CRPPA: variants seen among roughly 807,000 people sequenced by gnomAD.
CRPPA encodes the protein CDP-L-ribitol pyrophosphorylase A, also known as D-ribitol-5-phosphate cytidylyltransferase.
A neutral mutation model predicts 52.0 loss-of-function variants in CRPPA; 43 were observed. The observed-to-expected ratio is 0.83, with a 90% confidence interval of 0.65 to 1.07. The LOEUF is 1.07. CRPPA is among the 50% of genes least tolerant of loss of function. The pLI is 0.00. For synonymous variants in CRPPA, 250 were observed against 203.5 expected, an observed-to-expected ratio of 1.23 and a Z score of -1.94; for missense variants, 629 against 551.7, an observed-to-expected ratio of 1.14 and a Z score of -1.40.
In CRPPA at chr7:16,335,840, A is replaced by G. The variant is rs1785666731; in HGVS notation, c.685-27213T>C. On this transcript the variant is annotated intron_variant, in intron 3 of 9. Transcript: ENST00000407010. The stretch of plus-strand genomic sequence containing the variant: ...ACACATCTTAATCAAATTATCAAAA[A>G]CCAAAAGAAACAATATTCAAAGCAG... 3.3e-5 allele frequency among the ~76,000 whole-genome samples: 5 copies of G among 152,216 alleles called. No individual in the cohort carries two copies. In the South Asian group the frequency reaches 1.0e-3, roughly 32 times the overall value.
At chr7:16,250,258 T>G (rs1288566235) in intron 8 of CRPPA, among the ~76,000 whole-genome samples, 1 of 152,206 alleles carries the variant, frequency 6.6e-6, no homozygotes, top group Admixed American at 6.5e-5. Context: ...TTGGTGTACC[T>G]GAAAGTGACG....
intron 5 of CRPPA, among the ~76,000 whole-genome samples, chr7:16,290,275 C>T (rs1343753352): frequency 1.3e-5 from 2 of 151,812 alleles, no homozygotes; most frequent in Non-Finnish European, 2.9e-5. Context: ...CAATGATATC[C>T]TTCACAGAAA....
intron 2 of CRPPA, among the ~76,000 whole-genome samples, chr7:16,390,160 G>A (rs752114555): frequency 9.2e-5 from 14 of 151,546 alleles, no homozygotes; most frequent in East Asian, 5.8e-4. Context: ...TCTCAAATAC[G>A]TCTCTACATT....
chr7:16,196,215 C>G (rs1781730481), intron 9 of CRPPA, among the ~76,000 whole-genome samples: 1 of 152,156 alleles, frequency 6.6e-6, no homozygotes, highest in South Asian at 2.1e-4. Flanking sequence ...AGGTCCTAAT[C>G]TAGTTCAGTC....
intron 9 of CRPPA, among the ~76,000 whole-genome samples, chr7:16,145,491 A>C (rs927259817): frequency 3.3e-5 from 5 of 152,258 alleles, no homozygotes; most frequent in African/African-American, 1.2e-4. Context: ...CAATGATAAC[A>C]AAATGAAAAT....
intron 9 of CRPPA, among the ~76,000 whole-genome samples, chr7:16,107,938 T>G (rs1782189668): frequency 6.6e-6 from 1 of 151,914 alleles, no homozygotes; most frequent in South Asian, 2.1e-4. Flanking sequence ...TAACTGGAAA[T>G]AGACAGTTAT....
chr7:16,126,910 C>G (rs575562887), intron 9 of CRPPA, among the ~76,000 whole-genome samples: 1 of 152,122 alleles, frequency 6.6e-6, no homozygotes, highest in African/African-American at 2.4e-5. Context: ...GATTGATTCC[C>G]AAATTTGTAC....
At chr7:16,169,497 T>C (rs964883104) in intron 9 of CRPPA, among the ~76,000 whole-genome samples, 5 of 152,226 alleles carry the variant, frequency 3.3e-5, no homozygotes, top group Non-Finnish European at 5.9e-5. Context: ...GTGATTGTCC[T>C]GTTTTATCGT....
chr7:16,275,008 G>A (rs1172792347), intron 6 of CRPPA, among the ~76,000 whole-genome samples: 6 of 152,072 alleles, frequency 3.9e-5, no homozygotes, highest in East Asian at 1.9e-4. Flanking sequence ...CCTGGGAGGC[G>A]TAGGTTGTGG....
intron 2 of CRPPA, among the ~76,000 whole-genome samples, chr7:16,384,983 GC>G (rs1279461882): frequency 6.6e-6 from 1 of 152,144 alleles, no homozygotes; most frequent in Non-Finnish European, 1.5e-5. Flanking sequence ...CTAATGTTAA[GC>G]AGTTTAAAAA....
At chr7:16,101,098 T>C (rs1240264362) in intron 9 of CRPPA, among the ~76,000 whole-genome samples, 2 of 152,210 alleles carry the variant, frequency 1.3e-5, no homozygotes, top group African/African-American at 2.4e-5. Flanking sequence ...ATCAGGGATA[T>C]TGGCCTGAGA....
chr7:16,092,370 AG>A (rs1314726716), intron 9 of CRPPA, among the ~76,000 whole-genome samples: 1 of 152,198 alleles, frequency 6.6e-6, no homozygotes, highest in East Asian at 1.9e-4. Context: ...AAGGGAAAAT[AG>A]AAACAGAGCT....
chr7:16,314,005 A>T (rs1785090869), intron 3 of CRPPA, among the ~76,000 whole-genome samples: 2 of 152,006 alleles, frequency 1.3e-5, no homozygotes, highest in South Asian at 2.1e-4. Flanking sequence ...ACTAGATGTC[A>T]ATTTTACTCA....
At chr7:16,254,846 AG>A (rs1389970487) in intron 8 of CRPPA, among the ~76,000 whole-genome samples, 14 of 138,510 alleles carry the variant, frequency 1.0e-4, no homozygotes, top group Non-Finnish European at 2.2e-4. Context: ...AGAAAGAAAG[AG>A]AAAGAAGAAA....
At chr7:16,144,305 C>T (rs886654654) in intron 9 of CRPPA, among the ~76,000 whole-genome samples, 1 of 152,190 alleles carries the variant, frequency 6.6e-6, no homozygotes, top group African/African-American at 2.4e-5. Context: ...AACTGAAGTT[C>T]CTGAAGCAGT....
chr7:16,345,100 A>G (rs1167297071), intron 3 of CRPPA, among the ~76,000 whole-genome samples: 2 of 152,188 alleles, frequency 1.3e-5, no homozygotes, highest in Admixed American at 1.3e-4. Context: ...GGGAATCTTG[A>G]AAGTAGTAAG....
At chr7:16,252,397 G>A (rs900408757) in intron 8 of CRPPA, among the ~76,000 whole-genome samples, 6 of 152,070 alleles carry the variant, frequency 3.9e-5, no homozygotes, top group East Asian at 3.8e-4. Context: ...TTGACGGAAC[G>A]TATCTCAAAA....
intron 8 of CRPPA, chr7:16,247,738 T>G (rs1783318698): frequency 6.6e-6 from 1 of 152,168 alleles, no homozygotes; most frequent in South Asian, 2.1e-4. Context: ...AACTGAAGTA[T>G]GCCTACGTTC....
At chr7:16,340,522 A>T (rs1785795869) in intron 3 of CRPPA, among the ~76,000 whole-genome samples, 1 of 151,968 alleles carries the variant, frequency 6.6e-6, no homozygotes. Context: ...ATCCAAGTAA[A>T]ACAATAAGAT....
Sources: gnomAD v4.1 joint callset for allele counts (sites outside exome capture counted in the v4.1 genomes callset) on GRCh38, gnomAD v4.1.1 for gene constraint, MANE v1.5 for transcripts, NCBI Gene and HGNC (gene_info 2026-07-23, HGNC 2026-07-21) for gene names.